MCHR2: variants seen among roughly 807,000 people sequenced by gnomAD.
The protein encoded by MCHR2 is melanin concentrating hormone receptor 2.
In MCHR2, 15 loss-of-function variants were observed where a neutral mutation model predicts 24.8. That is an observed-to-expected ratio of 0.60 (90% CI 0.40 to 0.93). MCHR2 has a LOEUF of 0.93. Ranked by LOEUF, MCHR2 falls within the 40% of genes least tolerant of loss-of-function variation. MCHR2 has a pLI of 0.00. For missense variants in MCHR2, 386 were observed against 408.7 expected (o/e 0.94, Z 0.48); for synonymous variants, 151 against 147.6 (o/e 1.02, Z -0.17).
chr6:99,935,869 G>GT (rs894132464), intron 4 of MCHR2, among the ~76,000 whole-genome samples: 3 of 151,734 alleles, frequency 2.0e-5, no homozygotes, highest in Non-Finnish European at 2.9e-5. Flanking sequence ...ATTATTGCCT[G>GT]TTTTTTTGGT....
At chr6:99,960,419 T>C (rs913600054) in intron 1 of MCHR2, among the ~76,000 whole-genome samples, 1 of 152,110 alleles carries the variant, frequency 6.6e-6, no homozygotes, top group East Asian at 1.9e-4. Context: ...AGGTAATTTA[T>C]AGATTCAATG....
intron 5 of MCHR2, among the ~76,000 whole-genome samples, chr6:99,930,166 C>T (rs1774481721): frequency 6.6e-6 from 1 of 152,026 alleles, no homozygotes; most frequent in Non-Finnish European, 1.5e-5. Context: ...GAATATTGGC[C>T]CTCACTTTCT....
At position 99,934,507 on chromosome 6, in the gene MCHR2, A is replaced by C; in HGVS notation, c.598T>G (p.Tyr200Asp). Residue 200 changes from tyrosine to aspartate, a missense_variant, in exon 5 of 6, where the codon TAT becomes GAT. Coordinates refer to ENST00000281806, the MANE Select transcript of MCHR2 (RefSeq NM_001040179.2). ...AAAAAAAAAGTTGTTATCGTCAAAT[A>C]AAGTGTATACCTGTAAAATGAGAGA... ...SPDDVLWYTL[Y>D]LTITTFFFPL... 1.3e-6 allele frequency: 2 copies of C among 1,595,842 alleles called. No homozygotes were observed. The highest frequency in any genetic ancestry group is 1.7e-6 in the Non-Finnish European group (2 of 1,172,914).
chr6:99,925,559 C>A (rs148868608), intron 5 of MCHR2, among the ~76,000 whole-genome samples: 73 of 151,432 alleles, frequency 4.8e-4, no homozygotes, highest in African/African-American at 1.7e-3. Context: ...TTTTGTTTAT[C>A]CATTGTATGT....
In MCHR2 at chr6:99,937,708, C is replaced by T. The variant is rs375436358; in HGVS notation, c.588-3191G>A. ...CTGGATGGTTTTGGTATCAGAGTAA[C>T]GCTGGCTTTGTAGAATGAGTTTGGA... On this transcript the variant is annotated intron_variant, in intron 4 of 5. Coordinates refer to ENST00000281806, the MANE Select transcript of MCHR2 (RefSeq NM_001040179.2). 2.9e-4 allele frequency among the ~76,000 whole-genome samples: 43 copies of T among 149,970 alleles called. No homozygotes were observed. The South Asian group carries it at 8.4e-3, about 29-fold the overall frequency.
chr6:99,963,896 C>A (rs1195192708), intron 1 of MCHR2, among the ~76,000 whole-genome samples: 2 of 151,976 alleles, frequency 1.3e-5, no homozygotes, highest in Non-Finnish European at 2.9e-5. Flanking sequence ...ACAAAAGGCT[C>A]TTGTTCAAAA....
At position 99,918,568 on chromosome 6, in the gene MCHR2, C is replaced by A. The variant is rs1774163963; in HGVS notation, c.*2372G>T. On this transcript the variant is annotated 3_prime_UTR_variant, in exon 6 of 6. Coordinates refer to ENST00000281806, the MANE Select transcript of MCHR2 (RefSeq NM_001040179.2). ...TTGAGATCAAAGTTTAAATGAGGCA[C>A]CTAGAATTGAATAAGAATAGAATAA... 6.6e-6 allele frequency among the ~76,000 whole-genome samples: 1 copy of A among 151,900 alleles called. No individual in the cohort carries two copies. Among genetic ancestry groups the A allele is most frequent in the Non-Finnish European group, 1.5e-5 (1 of 67,980 alleles).
chr6:99,950,654 T>C (rs931407913), intron 2 of MCHR2, among the ~76,000 whole-genome samples: 3 of 152,150 alleles, frequency 2.0e-5, no homozygotes, highest in African/African-American at 7.2e-5. Flanking sequence ...ATAATGTGTA[T>C]AGCATGACTC....
intron 2 of MCHR2, among the ~76,000 whole-genome samples, chr6:99,951,358 C>T (rs1012622832): frequency 1.3e-5 from 2 of 152,122 alleles, no homozygotes; most frequent in African/African-American, 2.4e-5. Flanking sequence ...AGATGCTATA[C>T]AGGACAGACC....
Position 99,955,856 on chromosome 6 carries a change from T to C in MCHR2, c.182+110A>G, listed in dbSNP as rs192688058. 3.4e-3 allele frequency: 2,964 copies of C among 884,506 alleles called. 8 individuals are homozygous for C. The highest frequency in any genetic ancestry group is 4.2e-3 in the Non-Finnish European group (2,652 of 634,894). The allele number at this position is 884,506 out of a possible 1,614,324, so 54.8% of individuals were successfully genotyped here. A position where few individuals can be genotyped will look rare whatever the true frequency, so the allele number is the denominator to read the frequency against. On this transcript the variant is annotated intron_variant, in intron 2 of 5. Transcript: ENST00000281806. ...TTATCTTAAGCAAATATTTCCAAAA[T>C]TGCATTTCATTAAGCAAAATGCTAC...
intron 3 of MCHR2, 21 bp downstream of exon 3, chr6:99,947,741 A>G: frequency 6.2e-7 from 1 of 1,607,872 alleles, no homozygotes. Flanking sequence ...ATATTAAGAT[A>G]TTTCAAAGTC....
intron 5 of MCHR2, among the ~76,000 whole-genome samples, chr6:99,930,350 G>A (rs989787588): frequency 3.9e-5 from 6 of 152,046 alleles, no homozygotes; most frequent in Admixed American, 3.9e-4. Flanking sequence ...TATCTTTGTG[G>A]CGTTCTCTGT....
At chr6:99,971,424 T>G (rs1349084412) in intron 1 of MCHR2, among the ~76,000 whole-genome samples, 2 of 152,152 alleles carry the variant, frequency 1.3e-5, no homozygotes, top group African/African-American at 4.8e-5. Context: ...TCCTGAGATT[T>G]TGCTGAAATT....
intron 1 of MCHR2, among the ~76,000 whole-genome samples, chr6:99,967,374 A>T (rs1775314136): frequency 6.6e-6 from 1 of 152,184 alleles, no homozygotes; most frequent in Non-Finnish European, 1.5e-5. Flanking sequence ...AAGAAGTCTG[A>T]AAAGTGATAA....
Position 99,921,162 on chromosome 6 carries a change from A to G in MCHR2, c.801T>C (p.Tyr267=), listed in dbSNP as rs745361856. 1.9e-6 allele frequency: 3 copies of G among 1,614,176 alleles called. No individual in the cohort carries two copies. Among genetic ancestry groups the G allele is most frequent in the Non-Finnish European group, 1.7e-6 (2 of 1,180,014 alleles). ...GTAAGTTCACCAGTTGTATCACATG[A>G]TAAGGGGCAGCACTCAGGATAAAGA... ...VVVFILSAAP[Y]HVIQLVNLQM... is the part of the protein sequence containing the mutation. Residue 267 remains tyrosine (Y), a synonymous_variant, in exon 6 of 6, where the codon TAT becomes TAC. Coordinates refer to ENST00000281806, the MANE Select transcript of MCHR2 (RefSeq NM_001040179.2).
At chr6:99,993,157 T>C (rs538004229) in intron 1 of MCHR2, among the ~76,000 whole-genome samples, 119 of 152,300 alleles carry the variant, frequency 7.8e-4, no homozygotes, top group African/African-American at 2.8e-3. Flanking sequence ...CAAACAAAGA[T>C]ATTAGGCTTT....
chr6:99,939,909 T>C (rs1266789948), intron 4 of MCHR2, among the ~76,000 whole-genome samples: 3 of 148,938 alleles, frequency 2.0e-5, no homozygotes, highest in African/African-American at 7.4e-5. Flanking sequence ...AGAATGCCAT[T>C]TCACTCCCTC....
intron 1 of MCHR2, among the ~76,000 whole-genome samples, chr6:99,986,238 T>G (rs1357891585): frequency 6.6e-6 from 1 of 152,136 alleles, no homozygotes; most frequent in Non-Finnish European, 1.5e-5. Context: ...TGTAAATTAG[T>G]ACAACTTTAC....
intron 5 of MCHR2, among the ~76,000 whole-genome samples, chr6:99,929,744 G>A (rs893065367): frequency 1.3e-5 from 2 of 151,984 alleles, no homozygotes; most frequent in African/African-American, 4.8e-5. Context: ...CTGCACGTGA[G>A]ATGGGTGTTC....
Sources: allele counts gnomAD v4.1 joint callset (sites outside exome capture counted in the v4.1 genomes callset), GRCh38; gene constraint gnomAD v4.1.1; transcripts MANE v1.5; gene names NCBI Gene and HGNC (gene_info 2026-07-23, HGNC 2026-07-21).